Variants in PXDNL observed in about 807,000 individuals in gnomAD.
PXDNL encodes the protein peroxidasin like.
In PXDNL, 145 loss-of-function variants were observed where a neutral mutation model predicts 150.8. That is an observed-to-expected ratio of 0.96 (90% CI 0.84 to 1.10). The LOEUF is 1.10. PXDNL is among the 50% of genes least tolerant of loss of function. The probability of loss-of-function intolerance (pLI) is 0.00; values close to 1 mark genes in which losing one functional copy is unlikely to be tolerated. For missense variants in PXDNL, 2,087 were observed against 1,873.9 expected, an observed-to-expected ratio of 1.11 and a Z score of -2.10; for synonymous variants, 757 against 725.7, an observed-to-expected ratio of 1.04 and a Z score of -0.69.
intron 1 of PXDNL, among the ~76,000 whole-genome samples, chr8:51,698,721 T>C (rs72642948): frequency 0.028 from 4,308 of 152,336 alleles, 87 homozygotes; most frequent in Non-Finnish European, 0.043. Flanking sequence ...CCCAGGTCCC[T>C]CAGAGGAATC....
chr8:51,441,956 C>A (rs557389853), intron 12 of PXDNL, among the ~76,000 whole-genome samples: 3 of 152,112 alleles, frequency 2.0e-5, no homozygotes, highest in African/African-American at 7.2e-5. Flanking sequence ...CCCTGATGAC[C>A]AAATAAGGCC....
intron 12 of PXDNL, among the ~76,000 whole-genome samples, chr8:51,433,255 AT>A (rs1438930552): frequency 6.7e-6 from 1 of 149,588 alleles, no homozygotes; most frequent in Non-Finnish European, 1.5e-5. Context: ...TAATAGAAAT[AT>A]TTCTAACATT....
chr8:51,700,350 T>A (rs1019127228), intron 1 of PXDNL, among the ~76,000 whole-genome samples: 1 of 151,058 alleles, frequency 6.6e-6, no homozygotes, highest in Non-Finnish European at 1.5e-5. Flanking sequence ...CACACATACA[T>A]ACACCCACAA....
intron 1 of PXDNL, among the ~76,000 whole-genome samples, chr8:51,691,786 G>A (rs530963360): frequency 6.6e-6 from 1 of 152,016 alleles, no homozygotes; most frequent in Non-Finnish European, 1.5e-5. Flanking sequence ...ACCATATCTT[G>A]TTATTTTTCA....
At chr8:51,339,421 C>T (rs1292293108) in intron 21 of PXDNL, among the ~76,000 whole-genome samples, 5 of 152,136 alleles carry the variant, frequency 3.3e-5, no homozygotes, top group African/African-American at 1.2e-4. Flanking sequence ...AATTGTGCTA[C>T]TACATTCCAT....
chr8:51,754,363 C>T (rs964248721), intron 1 of PXDNL, among the ~76,000 whole-genome samples: 9 of 152,252 alleles, frequency 5.9e-5, no homozygotes, highest in African/African-American at 2.2e-4. Context: ...GTTCTGAGAG[C>T]ACACAAAAGA....
chr8:51,385,070 A>T (rs1291096031), intron 17 of PXDNL, among the ~76,000 whole-genome samples: 1 of 152,174 alleles, frequency 6.6e-6, no homozygotes, highest in Non-Finnish European at 1.5e-5. Context: ...ATCCAATAAA[A>T]ATTCACATGT....
chr8:51,486,775 TATATATATA>T (rs1810755705), intron 5 of PXDNL, among the ~76,000 whole-genome samples: 1 of 10,014 alleles, frequency 1.0e-4, no homozygotes, highest in Non-Finnish European at 3.0e-4. Flanking sequence ...TATATATATA[TATATATATA>T]TATATATATA....
chr8:51,511,277 C>T (rs192827851), intron 4 of PXDNL, among the ~76,000 whole-genome samples: 10 of 152,282 alleles, frequency 6.6e-5, no homozygotes, highest in Admixed American at 5.9e-4. Flanking sequence ...TGATACATAG[C>T]AGAAGTCCAA....
intron 21 of PXDNL, among the ~76,000 whole-genome samples, chr8:51,326,817 T>G (rs76778408): frequency 2.0e-5 from 3 of 152,022 alleles, no homozygotes; most frequent in African/African-American, 7.3e-5. Flanking sequence ...AATTCAAATC[T>G]TGAGGTCCTA....
chr8:51,425,547 G>A (rs28638169), intron 13 of PXDNL, among the ~76,000 whole-genome samples: 5,745 of 152,078 alleles, frequency 0.038, 342 homozygotes, highest in African/African-American at 0.13. Flanking sequence ...AAAATATTCA[G>A]ACTAGGCTGG....
intron 19 of PXDNL, among the ~76,000 whole-genome samples, chr8:51,369,103 C>A (rs529995813): frequency 3.9e-5 from 6 of 152,272 alleles, no homozygotes; most frequent in African/African-American, 1.4e-4. Context: ...ATTAATACAA[C>A]ATGAATGAAC....
chr8:51,639,936 T>C (rs1239428316), intron 2 of PXDNL, among the ~76,000 whole-genome samples: 1 of 152,088 alleles, frequency 6.6e-6, no homozygotes, highest in Non-Finnish European at 1.5e-5. Context: ...TTGATGAACA[T>C]TGACGCAAAA....
At chr8:51,648,517 T>C (rs1814970987) in intron 2 of PXDNL, among the ~76,000 whole-genome samples, 1 of 152,194 alleles carries the variant, frequency 6.6e-6, no homozygotes, top group Non-Finnish European at 1.5e-5. Flanking sequence ...TCCCAGAGCC[T>C]CTGGAGGGAA....
intron 17 of PXDNL, among the ~76,000 whole-genome samples, chr8:51,378,379 G>C (rs1263057043): frequency 6.6e-6 from 1 of 152,174 alleles, no homozygotes; most frequent in East Asian, 1.9e-4. Context: ...GCTCTGTCTA[G>C]CTAATCTAGT....
chr8:51,593,846 C>T (rs559944401), intron 2 of PXDNL, among the ~76,000 whole-genome samples: 19 of 152,254 alleles, frequency 1.2e-4, no homozygotes, highest in African/African-American at 4.6e-4. Context: ...GAGGTGATGC[C>T]ATACAGAGAT....
chr8:51,600,917 A>C (rs7002927), intron 2 of PXDNL, among the ~76,000 whole-genome samples: 10,014 of 139,050 alleles, frequency 0.072, 766 homozygotes, highest in East Asian at 0.17. Context: ...ATTACATCTT[A>C]TATAAATTAT....
intron 1 of PXDNL, among the ~76,000 whole-genome samples, chr8:51,728,657 T>C (rs907250184): frequency 6.6e-6 from 1 of 152,186 alleles, no homozygotes; most frequent in African/African-American, 2.4e-5. Context: ...AATATGTTTG[T>C]ACAGCTGTAA....
intron 5 of PXDNL, among the ~76,000 whole-genome samples, chr8:51,494,436 C>A (rs1356056588): frequency 1.3e-5 from 2 of 151,738 alleles, no homozygotes; most frequent in African/African-American, 4.8e-5. Context: ...ACAATATTAA[C>A]CTTAAATGTA....
Sources: allele counts gnomAD v4.1 joint callset (sites outside exome capture counted in the v4.1 genomes callset), GRCh38; gene constraint gnomAD v4.1.1; transcripts MANE v1.5; gene names NCBI Gene and HGNC (gene_info 2026-07-23, HGNC 2026-07-21).